The following PPP6R3 variants were observed in gnomAD, a reference collection of about 807,000 sequenced individuals.
PPP6R3 encodes the protein protein phosphatase 6 regulatory subunit 3.
In PPP6R3, 38 loss-of-function variants were observed where a neutral mutation model predicts 110.7. That is an observed-to-expected ratio of 0.34 (90% CI 0.26 to 0.45). The LOEUF is 0.45. PPP6R3 is among the 20% of genes least tolerant of loss of function. PPP6R3 has a pLI of 1.00. For missense variants in PPP6R3, 870 were observed against 1,062.4 expected (o/e 0.82, Z 2.52); for synonymous variants, 369 against 373.5 (o/e 0.99, Z 0.14).
intron 15 of PPP6R3, among the ~76,000 whole-genome samples, chr11:68,583,730 G>A (rs948787424): frequency 6.6e-6 from 1 of 152,172 alleles, no homozygotes; most frequent in Non-Finnish European, 1.5e-5. Flanking sequence ...TTGGAGAAGT[G>A]ACAAATGATT....
At chr11:68,473,605 A>G (rs1049690186) in intron 1 of PPP6R3, among the ~76,000 whole-genome samples, 2 of 152,206 alleles carry the variant, frequency 1.3e-5, no homozygotes, top group African/African-American at 4.8e-5. Context: ...TGGCGTCAGA[A>G]GTCGAGGGCA....
chr11:68,572,484 A>G (rs2099511297), intron 12 of PPP6R3, among the ~76,000 whole-genome samples: 1 of 152,106 alleles, frequency 6.6e-6, no homozygotes, highest in Non-Finnish European at 1.5e-5. Flanking sequence ...AGAGTGACTC[A>G]GTTGCCTGTA....
At chr11:68,571,661 C>T (rs2099507978) in intron 12 of PPP6R3, among the ~76,000 whole-genome samples, 1 of 152,190 alleles carries the variant, frequency 6.6e-6, no homozygotes, top group African/African-American at 2.4e-5. Context: ...TCTGTAACAG[C>T]ATTCCTCTCT....
chr11:68,490,978 G>A lies in PPP6R3; in HGVS notation c.-157-28523G>A, dbSNP rs146520052. On this transcript the variant is annotated intron_variant, in intron 1 of 23. Coordinates refer to ENST00000393800, the MANE Select transcript of PPP6R3 (RefSeq NM_001164161.2). ...GAGGCAGGCAGGTTGCTTGACTCAG[G>A]AATTTGAGACCAACCTGGTCAACTT... 9.9e-3 allele frequency among the ~76,000 whole-genome samples: 1,501 copies of A among 152,188 alleles called. 13 individuals are homozygous for A. The highest frequency in any genetic ancestry group is 0.015 in the Admixed American group (233 of 15,260).
intron 1 of PPP6R3, among the ~76,000 whole-genome samples, chr11:68,499,340 A>C (rs950828445): frequency 2.0e-5 from 3 of 152,054 alleles, no homozygotes; most frequent in African/African-American, 7.2e-5. Context: ...CATGCCTGGC[A>C]AGTAGGTTCT....
chr11:68,597,011 T>C (rs1194110906), intron 19 of PPP6R3, among the ~76,000 whole-genome samples: 2 of 152,230 alleles, frequency 1.3e-5, no homozygotes, highest in Non-Finnish European at 2.9e-5. Context: ...AGAGATCTTC[T>C]TTCTGCTGCC....
At chr11:68,528,434 G>GA (rs1491122305) in intron 2 of PPP6R3, among the ~76,000 whole-genome samples, 2 of 10,192 alleles carry the variant, frequency 2.0e-4, no homozygotes, top group African/African-American at 3.5e-4. Context: ...TTGTGTGTGT[G>GA]GGGGGGGGGG....
At chr11:68,581,261 C>T (rs1312444510) in intron 14 of PPP6R3, among the ~76,000 whole-genome samples, 2 of 152,124 alleles carry the variant, frequency 1.3e-5, no homozygotes, top group African/African-American at 4.8e-5. Context: ...CTTTGAGGAT[C>T]CAGTTTAAGT....
chr11:68,605,204 G>C (rs1938897947), intron 22 of PPP6R3, among the ~76,000 whole-genome samples: 1 of 152,136 alleles, frequency 6.6e-6, no homozygotes, highest in Non-Finnish European at 1.5e-5. Flanking sequence ...GCTGAGTGTG[G>C]TGGTGTGTGC....
intron 1 of PPP6R3, among the ~76,000 whole-genome samples, chr11:68,497,093 C>T (rs2099021535): frequency 6.6e-6 from 1 of 151,388 alleles, no homozygotes; most frequent in Admixed American, 6.6e-5. Context: ...TTCACCCAGG[C>T]GGGAGTGCAG....
chr11:68,542,461 A>G lies in PPP6R3; in HGVS notation c.228-2377A>G, dbSNP rs553304840. Among the ~76,000 whole-genome samples, 382 of 130,202 alleles carry G rather than the reference A, an allele frequency of 2.9e-3. 1 individual carries two copies. Among genetic ancestry groups the G allele is most frequent in the African/African-American group, 0.01 (357 of 34,428 alleles). 85.4% of individuals were successfully genotyped at this position (130,202 alleles called of 152,430 possible). On this transcript the variant is annotated intron_variant, in intron 3 of 23. Transcript: ENST00000393800. ...CAGGCTGGAGTGCAGTGGCGCAGTC[A>G]CAGCTGGCTGCAACCTCTGCCTCCC... is the stretch of plus-strand genomic sequence containing the variant.
Position 68,614,726 on chromosome 11 carries a change from C to T in PPP6R3, c.*1609C>T. ...GGGTCCCTTGACCTTTGCACGCCTC[C>T]TCAGGAACCCCCTTTCCCGGGTGAG... On this transcript the variant is annotated 3_prime_UTR_variant, in exon 24 of 24. Coordinates refer to ENST00000393800, the MANE Select transcript of PPP6R3 (RefSeq NM_001164161.2). 2 of 1,533,300 alleles carry T rather than the reference C, an allele frequency of 1.3e-6. No individual in the cohort carries two copies. Among genetic ancestry groups the T allele is most frequent in the Non-Finnish European group, 1.8e-6 (2 of 1,136,682 alleles). The allele number at this position is 1,533,300 out of a possible 1,614,324, so 95.0% of individuals were successfully genotyped here. A position where few individuals can be genotyped will look rare whatever the true frequency, so the allele number is the denominator to read the frequency against.
At chr11:68,532,680 G>A (rs548792874) in intron 2 of PPP6R3, among the ~76,000 whole-genome samples, 2 of 152,280 alleles carry the variant, frequency 1.3e-5, no homozygotes, top group East Asian at 3.9e-4. Flanking sequence ...TGATATGAAT[G>A]ATTAGTTTGG....
intron 20 of PPP6R3, among the ~76,000 whole-genome samples, chr11:68,601,119 G>A (rs2099630494): frequency 6.6e-6 from 1 of 152,138 alleles, no homozygotes; most frequent in Non-Finnish European, 1.5e-5. Context: ...ACTACTCAGA[G>A]GTACAAGTGA....
rs1284558306 is a variant in PPP6R3 at position 68,573,112 on chromosome 11, TTTTATATA to T, written c.1344-995_1344-988del. Among the ~76,000 whole-genome samples, 210 of 38,072 alleles carry T rather than the reference TTTTATATA, an allele frequency of 5.5e-3. 5 individuals are homozygous for T. The highest frequency in any genetic ancestry group is 0.02 in the African/African-American group (196 of 9,754). 25.0% of individuals were successfully genotyped at this position (38,072 alleles called of 152,430 possible). ...AATCAGATTAATATGAGTTTACTTATTTTATATATATATATATATATATATATATATAT... is the reference window on the plus strand; with the variant it reads ...AATCAGATTAATATGAGTTTACTTATTATATATATATATATATATATATAT... On this transcript the variant is annotated intron_variant, in intron 12 of 23. Coordinates refer to ENST00000393800, the MANE Select transcript of PPP6R3 (RefSeq NM_001164161.2).
In PPP6R3 at chr11:68,544,848, A is replaced by G; in HGVS notation, c.238A>G (p.Ile80Val). 6.3e-7 allele frequency: 1 copy of G among 1,593,538 alleles called. No homozygotes were observed. The highest frequency in any genetic ancestry group is 8.6e-7 in the Non-Finnish European group (1 of 1,162,828). Reference protein sequence around the residue: ...DEKIRYKYPNISCELLTSDVS... With the variant: ...DEKIRYKYPNVSCELLTSDVS... ...ATCCTGTTCTTCTAGGTATCCAAATATATCTTGTGAGTTGCTCACTTCTGA... is the reference window on the plus strand; with the variant it reads ...ATCCTGTTCTTCTAGGTATCCAAATGTATCTTGTGAGTTGCTCACTTCTGA... The change falls in exon 4 of 24, where the codon ATA (isoleucine) becomes GTA (valine). Residue 80 changes from isoleucine to valine, a missense_variant. Ile to Val is a conservative substitution (Grantham distance 29). Transcript: ENST00000393800.
chr11:68,601,404 T>C (rs2099631471), intron 20 of PPP6R3, among the ~76,000 whole-genome samples: 1 of 152,232 alleles, frequency 6.6e-6, no homozygotes. Flanking sequence ...TTTTTTACTA[T>C]GTTTCCACAG....
chr11:68,612,919 C>T, intron 23 of PPP6R3, 147 bp from the exon 24 acceptor site: 1 of 1,431,862 alleles, frequency 7.0e-7, no homozygotes. Context: ...TTGCTCCATT[C>T]ATTTACATAT....
chr11:68,575,831 C>A, intron 13 of PPP6R3, 127 bp from the exon 14 acceptor site: 1 of 613,738 alleles, frequency 1.6e-6, no homozygotes, highest in Non-Finnish European at 2.9e-6. Flanking sequence ...AGTTTCTCAG[C>A]TGATAGGGCC....
Sources: gnomAD v4.1 joint callset for allele counts (sites outside exome capture counted in the v4.1 genomes callset) on GRCh38, gnomAD v4.1.1 for gene constraint, MANE v1.5 for transcripts, NCBI Gene and HGNC (gene_info 2026-07-23, HGNC 2026-07-21) for gene names.